Variants in RAD51C observed in about 807,000 individuals in gnomAD.
RAD51C encodes DNA repair protein RAD51 homolog 3.
RAD51C carries 42 observed loss-of-function variants against 45.0 expected under a neutral mutation model. That is an observed-to-expected ratio of 0.93 (90% CI 0.73 to 1.21). The LOEUF (loss-of-function observed/expected upper bound fraction) is 1.21. Ranked by LOEUF, RAD51C falls within the 50% of genes most tolerant of loss-of-function variation. RAD51C has a pLI of 0.00. For missense variants in RAD51C, 474 were observed against 452.2 expected (o/e 1.05, Z -0.44); for synonymous variants, 172 against 159.8 (o/e 1.08, Z -0.58).
chr17:58,708,305 C>T (rs1016327295), intron 4 of RAD51C, among the ~76,000 whole-genome samples: 2 of 151,966 alleles, frequency 1.3e-5, no homozygotes, highest in Non-Finnish European at 2.9e-5. Context: ...TCGGAAATTA[C>T]CTTATTTGTG....
intron 3 of RAD51C, 105 bp downstream of exon 3, chr17:58,696,964 T>C: frequency 7.7e-7 from 1 of 1,305,756 alleles, no homozygotes; most frequent in Non-Finnish European, 1.1e-6. Flanking sequence ...TGAAGCCTAA[T>C]TACTGGACAG....
chr17:58,695,306 G>A, intron 2 of RAD51C, 117 bp downstream of exon 2: 1 of 1,437,510 alleles, frequency 7.0e-7, no homozygotes, highest in Non-Finnish European at 9.1e-7. Flanking sequence ...TTTTAAGTGT[G>A]TATGTGCATT....
intron 4 of RAD51C, among the ~76,000 whole-genome samples, chr17:58,708,297 G>A (rs980509959): frequency 7.3e-5 from 11 of 151,104 alleles, no homozygotes; most frequent in Admixed American, 6.0e-4. Flanking sequence ...TATAATTATC[G>A]GAAATTACCT....
intron 8 of RAD51C, among the ~76,000 whole-genome samples, chr17:58,733,577 A>G (rs2049529949): frequency 6.6e-6 from 1 of 152,200 alleles, no homozygotes; most frequent in Non-Finnish European, 1.5e-5. Context: ...GAACATTTTT[A>G]TAATGCAATG....
At chr17:58,723,056 CAT>C (rs1193755115) in intron 6 of RAD51C, among the ~76,000 whole-genome samples, 1 of 152,130 alleles carries the variant, frequency 6.6e-6, no homozygotes. Flanking sequence ...GTGCTGGACA[CAT>C]AAATTGCTGA....
chr17:58,704,915 T>C (rs1293326184), intron 4 of RAD51C, among the ~76,000 whole-genome samples: 3 of 147,762 alleles, frequency 2.0e-5, no homozygotes, highest in African/African-American at 7.4e-5. Context: ...AATTAATTAA[T>C]TTTTTTTTTG....
intron 3 of RAD51C, among the ~76,000 whole-genome samples, chr17:58,699,253 G>A (rs967351864): frequency 1.5e-4 from 23 of 151,900 alleles, no homozygotes; most frequent in African/African-American, 3.9e-4. Context: ...TGATCTTCCC[G>A]CCTCGGCCTC....
At chr17:58,732,271 G>A (rs1310118520) in intron 7 of RAD51C, 1 of 453,412 alleles carries the variant, frequency 2.2e-6, no homozygotes, top group African/African-American at 2.0e-5. Context: ...TGGACTTTTA[G>A]GTTGCTTTAA....
intron 4 of RAD51C, chr17:58,706,059 T>G (rs1869653221): frequency 6.6e-6 from 1 of 152,134 alleles, no homozygotes; most frequent in African/African-American, 2.4e-5. Flanking sequence ...TAGTAGGAAA[T>G]GCATAGGATG....
chr17:58,732,189 TTTC>T (rs1424360938), intron 7 of RAD51C: 7 of 298,624 alleles, frequency 2.3e-5, no homozygotes, highest in Non-Finnish European at 4.4e-5. Context: ...CATTGAATAT[TTTC>T]TTCCACGTTT....
At chr17:58,711,117 A>G (rs2048543503) in intron 5 of RAD51C, among the ~76,000 whole-genome samples, 1 of 152,172 alleles carries the variant, frequency 6.6e-6, no homozygotes, top group Non-Finnish European at 1.5e-5. Context: ...AATTAATTGT[A>G]ATTTAGCCTT....
Position 58,712,436 on chromosome 17 carries a change from G to A in RAD51C, c.837+2446G>A, listed in dbSNP as rs545503208. Among the ~76,000 whole-genome samples the A allele has an allele frequency of 3.6e-4, 55 of 151,898 alleles. 1 individual carries two copies. Among genetic ancestry groups the A allele is most frequent in the South Asian group, 1.9e-3 (9 of 4,814 alleles). ...CTAAACAATAAAAAATGTAGGAAGC[G>A]ATTATTCATTACTCAGAGATTGTGT... On this transcript the variant is annotated intron_variant, in intron 5 of 8. Transcript: ENST00000337432.
rs116006066 is a variant in RAD51C, at chr17:58,704,792, C to G, written c.705+1463C>G. On this transcript the variant is annotated intron_variant, in intron 4 of 8. Coordinates refer to ENST00000337432, the MANE Select transcript of RAD51C (RefSeq NM_058216.3). ...CAGAAAGACTGCACCAATTTCTACT[C>G]TTACTGACAATATATGAGAATGCCT... Among the ~76,000 whole-genome samples, 765 of 152,242 alleles carry G rather than the reference C, an allele frequency of 5.0e-3. 3 individuals carry two copies. The highest frequency in any genetic ancestry group is 0.017 in the African/African-American group (714 of 41,538).
intron 5 of RAD51C, among the ~76,000 whole-genome samples, chr17:58,711,314 G>GAT (rs1236177735): frequency 6.6e-6 from 1 of 152,002 alleles, no homozygotes; most frequent in Non-Finnish European, 1.5e-5. Flanking sequence ...CATGGAAGAA[G>GAT]ATATATACAT....
At position 58,735,496 on chromosome 17, in the gene RAD51C, C is replaced by T. The variant is rs2049593765; in HGVS notation, c.*1274C>T. The T allele has an allele frequency of 6.6e-6, 1 of 152,052 alleles. No homozygotes were observed. Among genetic ancestry groups the T allele is most frequent in the Non-Finnish European group, 1.5e-5 (1 of 68,018 alleles). The allele number at this position is 152,052 out of a possible 1,614,324, so 9.4% of individuals were successfully genotyped here. A position where few individuals can be genotyped will look rare whatever the true frequency, so the allele number is the denominator to read the frequency against. ...ACAGATGTGAGCCACCACACCTGGC[C>T]TCATTTCTATATTTTGAAACACGGT... is the stretch of plus-strand genomic sequence containing the variant. On this transcript the variant is annotated 3_prime_UTR_variant, in exon 9 of 9. Coordinates refer to ENST00000337432, the MANE Select transcript of RAD51C (RefSeq NM_058216.3).
In RAD51C at chr17:58,732,501, A is replaced by G; in HGVS notation, c.983A>G (p.Lys328Arg). ...DRKQRLATLY[K>R]SPSQKECTVL... is the part of the protein sequence containing the mutation. ...TTAAGCAGGTTGGCAACATTGTACA[A>G]GTCACCCAGCCAGAAGGAATGCACA... The change falls in exon 8 of 9, where the codon AAG becomes AGG. Residue 328 changes from lysine to arginine, a missense_variant. Physicochemically the swap from Lys to Arg is conservative, Grantham distance 26. Transcript: ENST00000337432. 1.9e-6 allele frequency: 3 copies of G among 1,613,386 alleles called. No homozygotes were observed. Among genetic ancestry groups the G allele is most frequent in the Non-Finnish European group, 2.5e-6 (3 of 1,179,484 alleles).
chr17:58,719,114 C>G (rs1444398610), intron 5 of RAD51C, among the ~76,000 whole-genome samples: 1 of 152,178 alleles, frequency 6.6e-6, no homozygotes, highest in African/African-American at 2.4e-5. Context: ...ATCCTAGCTA[C>G]TTGGGAGGCT....
At chr17:58,703,162 G>A (rs370480007) in intron 3 of RAD51C, 34 bp from the exon 4 acceptor site, 11 of 1,603,978 alleles carry the variant, frequency 6.9e-6, no homozygotes, top group African/African-American at 6.7e-5. Flanking sequence ...CATCCAAACA[G>A]GTAAAACTAA....
chr17:58,714,552 GGGTTCAAGA>G (rs2048666862), intron 5 of RAD51C, among the ~76,000 whole-genome samples: 1 of 152,090 alleles, frequency 6.6e-6, no homozygotes, highest in Admixed American at 6.6e-5. Context: ...TGTGCCTCCT[GGGTTCAAGA>G]GATTCTCCTG....
Sources: allele counts gnomAD v4.1 joint callset (sites outside exome capture counted in the v4.1 genomes callset), GRCh38; gene constraint gnomAD v4.1.1; transcripts MANE v1.5; gene names NCBI Gene and HGNC (gene_info 2026-07-23, HGNC 2026-07-21).